DHRS12: variants seen among roughly 807,000 people sequenced by gnomAD.
DHRS12 encodes the protein dehydrogenase/reductase 12.
DHRS12 carries 29 observed loss-of-function variants against 32.1 expected under a neutral mutation model. The ratio of observed to expected loss-of-function variants is 0.90; its 90% CI spans 0.67 to 1.23. The LOEUF is 1.23. DHRS12 is among the 50% of genes most tolerant of loss of function. DHRS12 has a pLI of 0.00. For synonymous variants in DHRS12, 150 were observed against 135.9 expected (o/e 1.10, Z -0.72); for missense variants, 330 against 337.2 (o/e 0.98, Z 0.17).
chr13:51,761,849 AC>A, the DHRS12 span: 19 of 152,240 alleles, frequency 1.2e-4, no homozygotes, highest in African/African-American at 4.6e-4. Flanking sequence ...AGCCCATGTG[AC>A]CGGAGCTCTG....
intron 4 of DHRS12, among the ~76,000 whole-genome samples, chr13:51,783,921 G>A (rs546797799): frequency 1.3e-5 from 2 of 152,168 alleles, no homozygotes; most frequent in African/African-American, 2.4e-5. Flanking sequence ...TGTTTGGGGC[G>A]ATTATGAATA....
At chr13:51,783,822 T>C (rs1373993187) in intron 4 of DHRS12, among the ~76,000 whole-genome samples, 2 of 152,208 alleles carry the variant, frequency 1.3e-5, no homozygotes, top group Non-Finnish European at 2.9e-5. Context: ...GTTTTGTACA[T>C]TGACATTTTG....
At chr13:51,785,729 G>A (rs935854381) in intron 4 of DHRS12, among the ~76,000 whole-genome samples, 2 of 152,218 alleles carry the variant, frequency 1.3e-5, no homozygotes, top group African/African-American at 4.8e-5. Flanking sequence ...ATCTGCAGAA[G>A]AGTCAGCAAA....
chr13:51,784,924 C>T (rs1954882204), intron 4 of DHRS12, among the ~76,000 whole-genome samples: 1 of 152,218 alleles, frequency 6.6e-6, no homozygotes, highest in Non-Finnish European at 1.5e-5. Context: ...AAAATGGGCC[C>T]TTTATAAATG....
chr13:51,759,785 T>G, the DHRS12 span: 2 of 1,613,472 alleles, frequency 1.2e-6, no homozygotes, highest in Admixed American at 3.3e-5. Context: ...CTCCCAGGAA[T>G]CAGAAAGATA....
chr13:51,763,672 C>G (rs377459029), downstream of DHRS12: 15 of 152,312 alleles, frequency 9.8e-5, no homozygotes, highest in East Asian at 1.7e-3. Context: ...GTGGCACACA[C>G]CTGTATTCCC....
chr13:51,771,621 C>G, intron 7 of DHRS12, 200 bp downstream of exon 7: 4 of 1,472,218 alleles, frequency 2.7e-6, no homozygotes, highest in Non-Finnish European at 3.7e-6. Flanking sequence ...ACAGGGCAAG[C>G]TGGAAGCAAA....
Position 51,768,123 on chromosome 13 carries a change from C to T in DHRS12, c.*64G>A, listed in dbSNP as rs1223600230. On this transcript the variant is annotated 3_prime_UTR_variant, in exon 9 of 9. Coordinates refer to ENST00000444610, the MANE Select transcript of DHRS12 (RefSeq NM_001377533.1). ...AAGTGGGGTCTTCTTATTCACTGGT[C>T]CCTAGACCGCACCTTCTGGTATCTT... 3 of 1,533,064 alleles carry T rather than the reference C, an allele frequency of 2.0e-6. No homozygotes were observed. The highest frequency in any genetic ancestry group is 3.9e-5 in the Admixed American group (2 of 50,828). The allele number at this position is 1,533,064 out of a possible 1,614,324, so 95.0% of individuals were successfully genotyped here. A position where few individuals can be genotyped will look rare whatever the true frequency, so the allele number is the denominator to read the frequency against.
intron 1 of DHRS12, among the ~76,000 whole-genome samples, chr13:51,801,713 C>A (rs1415235076): frequency 6.6e-6 from 1 of 152,136 alleles, no homozygotes; most frequent in African/African-American, 2.4e-5. Flanking sequence ...AGGGGCTTAG[C>A]TAGGAGGAGG....
In DHRS12 at chr13:51,804,070, GC is replaced by G; in HGVS notation, c.-26del. 6.7e-7 allele frequency: 1 copy of G among 1,492,190 alleles called. No homozygotes were observed. The allele number at this position is 1,492,190 out of a possible 1,614,324, so 92.4% of individuals were successfully genotyped here. ...CCGCCTTACTTGGTGTACTCGCGCA[GC>G]CCCTTGGCGAACCACACGACGCTGC... On this transcript the variant is annotated 5_prime_UTR_variant, in exon 1 of 9. Coordinates refer to ENST00000444610, the MANE Select transcript of DHRS12 (RefSeq NM_001377533.1).
chr13:51,801,683 A>C (rs924946385), intron 1 of DHRS12, among the ~76,000 whole-genome samples: 5 of 152,156 alleles, frequency 3.3e-5, no homozygotes, highest in Non-Finnish European at 5.9e-5. Context: ...CGGTAGAGGC[A>C]AGGGCCTGAG....
At chr13:51,786,695 G>A (rs921666196) in intron 4 of DHRS12, among the ~76,000 whole-genome samples, 2 of 152,202 alleles carry the variant, frequency 1.3e-5, no homozygotes, top group African/African-American at 2.4e-5. Flanking sequence ...CATGGGTGCT[G>A]AAGGCATTTT....
Position 51,804,119 on chromosome 13 carries a change from G to A in DHRS12, c.-74C>T. Reference sequence around the variant, plus strand: ...TGCGGTACAGGGACATGCCGGGAGCGCCCCACGCCTAGCCCCACCGCGCTC... The same window carrying A: ...TGCGGTACAGGGACATGCCGGGAGCACCCCACGCCTAGCCCCACCGCGCTC... On this transcript the variant is annotated 5_prime_UTR_variant, in exon 1 of 9. Transcript: ENST00000444610. 1.3e-6 allele frequency: 2 copies of A among 1,482,220 alleles called. No homozygotes were observed. The highest frequency in any genetic ancestry group is 1.5e-5 in the African/African-American group (1 of 68,776). The allele number at this position is 1,482,220 out of a possible 1,614,324, so 91.8% of individuals were successfully genotyped here.
chr13:51,769,162 A>C lies in DHRS12; in HGVS notation c.691T>G (p.Phe231Val), dbSNP rs928786495. ...AAAAQPSGRFFQDRKPVSTHL... is the reference protein window; with the variant it reads ...AAAAQPSGRFVQDRKPVSTHL... The stretch of plus-strand genomic sequence containing the variant: ...CAGCCAGGGAGGAAGTCACCTTGAA[A>C]GAAGCGGCCGCTGGGCTGTGCGGCT... Residue 231 changes from phenylalanine to valine, a missense_variant, in exon 8 of 9, where the codon TTT becomes GTT. By Grantham distance (50) the Phe-to-Val change is conservative (BLOSUM62 -1). Coordinates refer to ENST00000444610, the MANE Select transcript of DHRS12 (RefSeq NM_001377533.1). 26 of 1,549,634 alleles carry C rather than the reference A, an allele frequency of 1.7e-5. No individual in the cohort carries two copies. The highest frequency in any genetic ancestry group is 2.1e-5 in the Non-Finnish European group (24 of 1,147,378).
At chr13:51,770,542 G>C (rs376892092) in intron 7 of DHRS12, among the ~76,000 whole-genome samples, 1 of 152,202 alleles carries the variant, frequency 6.6e-6, no homozygotes, top group Non-Finnish European at 1.5e-5. Flanking sequence ...CCATTAGGCC[G>C]TGAGAAGAAT....
At chr13:51,797,933 T>C (rs1955581987) in intron 2 of DHRS12, 2 of 1,534,522 alleles carry the variant, frequency 1.3e-6, no homozygotes, top group Non-Finnish European at 1.7e-6. Flanking sequence ...TGAAACCATC[T>C]GTGAGTTACA....
At chr13:51,784,865 C>A (rs1289014820) in intron 4 of DHRS12, among the ~76,000 whole-genome samples, 2 of 152,226 alleles carry the variant, frequency 1.3e-5, no homozygotes, top group South Asian at 4.1e-4. Context: ...ACTAGGCCAG[C>A]AGTCCCTTCC....
At chr13:51,771,412 G>A in intron 7 of DHRS12, 1 of 1,614,162 alleles carries the variant, frequency 6.2e-7, no homozygotes, top group Non-Finnish European at 8.5e-7. Context: ...TTACCTTCAT[G>A]CATCATTATT....
the DHRS12 span, chr13:51,760,811 G>T: frequency 1.3e-5 from 2 of 152,354 alleles, no homozygotes; most frequent in African/African-American, 4.8e-5. Flanking sequence ...GTGAGAATCT[G>T]ACGCCACCGC....
Sources: gnomAD v4.1 joint callset for allele counts (sites outside exome capture counted in the v4.1 genomes callset) on GRCh38, gnomAD v4.1.1 for gene constraint, MANE v1.5 for transcripts, NCBI Gene and HGNC (gene_info 2026-07-23, HGNC 2026-07-21) for gene names.